The following TNFAIP8 variants were observed in gnomAD, a reference collection of about 807,000 sequenced individuals.
TNFAIP8 encodes TNF alpha induced protein 8.
A neutral mutation model predicts 13.3 loss-of-function variants in TNFAIP8; 7 were observed. That is an observed-to-expected ratio of 0.52 (90% confidence interval 0.30 to 0.99). TNFAIP8 has a LOEUF of 0.99. TNFAIP8 is among the 50% of genes least tolerant of loss of function. The pLI is 0.07. For synonymous variants in TNFAIP8, 94 were observed against 87.6 expected (o/e 1.07, Z -0.41); for missense variants, 258 against 236.9 (o/e 1.09, Z -0.58).
At chr5:119,290,667 G>A (rs1479934938) in intron 1 of TNFAIP8, among the ~76,000 whole-genome samples, 1 of 152,216 alleles carries the variant, frequency 6.6e-6, no homozygotes, top group African/African-American at 2.4e-5. Flanking sequence ...ATCATTGGGG[G>A]CATCTTGGAG....
intron 1 of TNFAIP8, among the ~76,000 whole-genome samples, chr5:119,358,171 ATGTC>A (rs1751506757): frequency 6.6e-6 from 1 of 151,068 alleles, no homozygotes; most frequent in African/African-American, 2.4e-5. Flanking sequence ...GTTCTTAAGA[ATGTC>A]TGTATTGCAA....
At chr5:119,282,699 A>G (rs1318818126) in intron 1 of TNFAIP8, among the ~76,000 whole-genome samples, 1 of 152,178 alleles carries the variant, frequency 6.6e-6, no homozygotes, top group Non-Finnish European at 1.5e-5. Context: ...CATGTGGGGC[A>G]TAGACCCCAG....
At chr5:119,328,459 C>G (rs1376326150) in intron 1 of TNFAIP8, among the ~76,000 whole-genome samples, 1 of 152,196 alleles carries the variant, frequency 6.6e-6, no homozygotes, top group East Asian at 1.9e-4. Context: ...GGATTGTTGT[C>G]TTTTCAAGAA....
At chr5:119,279,693 C>T (rs371058378) in intron 1 of TNFAIP8, among the ~76,000 whole-genome samples, 17 of 152,154 alleles carry the variant, frequency 1.1e-4, no homozygotes, top group African/African-American at 2.9e-4. Flanking sequence ...GCAGTTCTCT[C>T]GCCTCAACCT....
chr5:119,304,786 C>A (rs1191051285), intron 1 of TNFAIP8, among the ~76,000 whole-genome samples: 2 of 152,100 alleles, frequency 1.3e-5, no homozygotes, highest in African/African-American at 4.8e-5. Flanking sequence ...CACAGGTTTC[C>A]CTTTTGGATG....
At chr5:119,275,002 ATTTTTTTTTAATTTTTTT>A (rs1748395048) in intron 1 of TNFAIP8, among the ~76,000 whole-genome samples, 2 of 135,722 alleles carry the variant, frequency 1.5e-5, no homozygotes, top group Admixed American at 7.5e-5. Flanking sequence ...AGCTGTAGGG[ATTTTTTTTTAATTTTTTT>A]TTTTTTTTTG....
intron 1 of TNFAIP8, among the ~76,000 whole-genome samples, chr5:119,334,988 AT>A (rs1750506328): frequency 6.6e-6 from 1 of 152,142 alleles, no homozygotes; most frequent in Non-Finnish European, 1.5e-5. Flanking sequence ...AGCATGAACC[AT>A]TTGAGAACGA....
At chr5:119,377,905 C>A (rs1335270020) in intron 1 of TNFAIP8, among the ~76,000 whole-genome samples, 1 of 152,146 alleles carries the variant, frequency 6.6e-6, no homozygotes, top group African/African-American at 2.4e-5. Context: ...ACGCAAATGC[C>A]TACAGAACCC....
At chr5:119,377,942 G>A (rs970471514) in intron 1 of TNFAIP8, among the ~76,000 whole-genome samples, 5 of 149,746 alleles carry the variant, frequency 3.3e-5, no homozygotes, top group Admixed American at 2.7e-4. Flanking sequence ...TGTGTAGATG[G>A]CCAGGAGGGA....
chr5:119,325,700 G>C (rs575044912), intron 1 of TNFAIP8, among the ~76,000 whole-genome samples: 3 of 152,014 alleles, frequency 2.0e-5, no homozygotes, highest in African/African-American at 7.3e-5. Flanking sequence ...CGCCGGCCTC[G>C]GCCTCCCATA....
intron 1 of TNFAIP8, among the ~76,000 whole-genome samples, chr5:119,350,941 T>C (rs989597896): frequency 1.4e-5 from 2 of 140,856 alleles, no homozygotes; most frequent in African/African-American, 2.8e-5. Flanking sequence ...ATTTTTTAAC[T>C]CTATGTGTAT....
At chr5:119,305,921 A>G (rs1749536715) in intron 1 of TNFAIP8, among the ~76,000 whole-genome samples, 1 of 152,106 alleles carries the variant, frequency 6.6e-6, no homozygotes, top group Admixed American at 6.5e-5. Context: ...GTTCCCACTT[A>G]CCTGTGCCGT....
chr5:119,298,801 C>A (rs1312470181), intron 1 of TNFAIP8, among the ~76,000 whole-genome samples: 1 of 152,010 alleles, frequency 6.6e-6, no homozygotes, highest in Non-Finnish European at 1.5e-5. Flanking sequence ...AGGCTTTGTT[C>A]GTTTCTTTTT....
chr5:119,355,999 C>T (rs1325129980), upstream of TNFAIP8: 10 of 1,525,690 alleles, frequency 6.6e-6, no homozygotes, highest in Non-Finnish European at 8.9e-6. Flanking sequence ...TTTTATTTTC[C>T]GTCGTGTGCG....
At chr5:119,327,847 A>C (rs7711101) in intron 1 of TNFAIP8, among the ~76,000 whole-genome samples, 14,779 of 152,264 alleles carry the variant, frequency 0.097, 829 homozygotes, top group African/African-American at 0.16. Context: ...CAGAGAAATT[A>C]AGTTACTATT....
intron 1 of TNFAIP8, among the ~76,000 whole-genome samples, chr5:119,370,785 C>T (rs1238960523): frequency 1.3e-5 from 2 of 152,204 alleles, no homozygotes; most frequent in Non-Finnish European, 2.9e-5. Flanking sequence ...AGCAGTAAGT[C>T]AGCTCAAGAA....
intron 1 of TNFAIP8, among the ~76,000 whole-genome samples, chr5:119,313,789 A>G (rs1272262543): frequency 2.0e-5 from 3 of 152,216 alleles, no homozygotes; most frequent in Admixed American, 6.5e-5. Context: ...AAGTTTATAC[A>G]CTAGCTGGAG....
At chr5:119,379,774 G>A (rs906735600) in intron 1 of TNFAIP8, among the ~76,000 whole-genome samples, 4 of 152,018 alleles carry the variant, frequency 2.6e-5, no homozygotes, top group African/African-American at 7.2e-5. Context: ...TGTATTTTTA[G>A]TAGAGATGGG....
chr5:119,326,650 T>A (rs568423488), intron 1 of TNFAIP8, among the ~76,000 whole-genome samples: 1 of 152,218 alleles, frequency 6.6e-6, no homozygotes, highest in African/African-American at 2.4e-5. Context: ...GTGATCGGGC[T>A]GTGCTTTGAG....
Sources: gnomAD v4.1 joint callset for allele counts (sites outside exome capture counted in the v4.1 genomes callset) on GRCh38, gnomAD v4.1.1 for gene constraint, MANE v1.5 for transcripts, NCBI Gene and HGNC (gene_info 2026-07-23, HGNC 2026-07-21) for gene names.